NPAS3: variants seen among roughly 807,000 people sequenced by gnomAD.
NPAS3 encodes the protein neuronal PAS domain protein 3, also known as neuronal PAS domain-containing protein 3.
Under a neutral mutation model 73.1 loss-of-function variants are expected in NPAS3, and 14 were observed. That is an observed-to-expected ratio of 0.19 (90% confidence interval 0.13 to 0.30). The LOEUF (loss-of-function observed/expected upper bound fraction) is 0.30, where lower values mean the gene tolerates loss of function less well. Ranked by LOEUF, NPAS3 falls within the 10% of genes least tolerant of loss-of-function variation. The probability of loss-of-function intolerance (pLI) is 1.00; values close to 1 mark genes in which losing one functional copy is unlikely to be tolerated. For synonymous variants in NPAS3, 620 were observed against 541.5 expected, an observed-to-expected ratio of 1.14 and a Z score of -2.01; for missense variants, 1,096 against 1,250.0, an observed-to-expected ratio of 0.88 and a Z score of 1.86.
intron 2 of NPAS3, among the ~76,000 whole-genome samples, chr14:33,178,073 T>A (rs1310446443): frequency 7.8e-6 from 1 of 128,966 alleles, no homozygotes; most frequent in East Asian, 2.4e-4. Context: ...GAAGTGAATT[T>A]TTTTTGTTTT....
intron 5 of NPAS3, among the ~76,000 whole-genome samples, chr14:33,667,582 T>A (rs1436581149): frequency 6.6e-6 from 1 of 152,214 alleles, no homozygotes; most frequent in Non-Finnish European, 1.5e-5. Context: ...TCCTTTAAAA[T>A]AGCACCTAGA....
At chr14:33,432,628 C>T (rs1293007060) in intron 4 of NPAS3, among the ~76,000 whole-genome samples, 2 of 152,120 alleles carry the variant, frequency 1.3e-5, no homozygotes, top group Non-Finnish European at 2.9e-5. Flanking sequence ...TGTGTGATAT[C>T]ACATGCACGC....
chr14:33,164,446 C>T (rs2045042597), intron 2 of NPAS3, among the ~76,000 whole-genome samples: 1 of 151,932 alleles, frequency 6.6e-6, no homozygotes, highest in African/African-American at 2.4e-5. Context: ...TTACCAGTCA[C>T]AAATATTCCC....
intron 2 of NPAS3, among the ~76,000 whole-genome samples, chr14:33,160,649 A>G (rs959360798): frequency 6.6e-6 from 1 of 152,008 alleles, no homozygotes; most frequent in African/African-American, 2.4e-5. Context: ...ATTAAAAAAA[A>G]AAAAAGAAAA....
chr14:33,580,008 G>T (rs1003253700), intron 5 of NPAS3, among the ~76,000 whole-genome samples: 1 of 152,118 alleles, frequency 6.6e-6, no homozygotes, highest in Non-Finnish European at 1.5e-5. Context: ...GTGTTTTATA[G>T]ACAAGCCATT....
intron 1 of NPAS3, among the ~76,000 whole-genome samples, chr14:33,049,455 G>A (rs1009276530): frequency 1.3e-5 from 2 of 152,308 alleles, no homozygotes; most frequent in African/African-American, 4.8e-5. Flanking sequence ...TCACAATCAT[G>A]GGGGAAGACA....
At chr14:33,615,345 A>G (rs1248697945) in intron 5 of NPAS3, among the ~76,000 whole-genome samples, 2 of 152,152 alleles carry the variant, frequency 1.3e-5, no homozygotes, top group Non-Finnish European at 2.9e-5. Context: ...TAGAAGTGAG[A>G]CAAGAGGCAG....
intron 2 of NPAS3, among the ~76,000 whole-genome samples, chr14:33,084,464 G>C (rs1406130511): frequency 6.6e-6 from 1 of 152,184 alleles, no homozygotes; most frequent in Non-Finnish European, 1.5e-5. Context: ...GAAGACCTCA[G>C]TTCAGGAATG....
intron 3 of NPAS3, among the ~76,000 whole-genome samples, chr14:33,323,164 G>C (rs748221646): frequency 3.3e-5 from 5 of 152,146 alleles, no homozygotes; most frequent in Non-Finnish European, 5.9e-5. Flanking sequence ...GGGTCGCCAA[G>C]ACTATTCACC....
At chr14:33,735,357 C>A in intron 7 of NPAS3, 25 bp downstream of exon 7, 1 of 1,507,320 alleles carries the variant, frequency 6.6e-7, no homozygotes, top group Non-Finnish European at 9.2e-7. Flanking sequence ...GGAGGGGAGA[C>A]ATTGCTGTCT....
chr14:33,540,290 T>C (rs541870486), intron 4 of NPAS3, among the ~76,000 whole-genome samples: 1 of 152,308 alleles, frequency 6.6e-6, no homozygotes, highest in South Asian at 2.1e-4. Context: ...AATGGAAACA[T>C]TGCAAAACAA....
chr14:33,696,686 C>T (rs2060391373), intron 6 of NPAS3, among the ~76,000 whole-genome samples: 1 of 152,166 alleles, frequency 6.6e-6, no homozygotes, highest in Admixed American at 6.6e-5. Context: ...AACTAAATCT[C>T]TATGTAATTT....
chr14:33,589,834 TTAA>T (rs2056998288), intron 5 of NPAS3, among the ~76,000 whole-genome samples: 1 of 152,226 alleles, frequency 6.6e-6, no homozygotes, highest in African/African-American at 2.4e-5. Flanking sequence ...AATCAGTGCT[TTAA>T]TTTTGTTGAG....
At chr14:33,414,180 G>C (rs577650184) in intron 4 of NPAS3, among the ~76,000 whole-genome samples, 6 of 152,192 alleles carry the variant, frequency 3.9e-5, no homozygotes, top group South Asian at 4.1e-4. Context: ...AGGAAGGAAC[G>C]GAGGCATGAG....
intron 3 of NPAS3, among the ~76,000 whole-genome samples, chr14:33,215,781 T>C (rs898120494): frequency 2.0e-5 from 3 of 152,170 alleles, no homozygotes; most frequent in African/African-American, 7.2e-5. Context: ...TGTTAAAGCA[T>C]AGAGCTGACA....
At chr14:33,745,279 G>A (rs2061759862) in intron 7 of NPAS3, among the ~76,000 whole-genome samples, 1 of 152,078 alleles carries the variant, frequency 6.6e-6, no homozygotes, top group South Asian at 2.1e-4. Context: ...GCAATAATGT[G>A]AAACACGATA....
intron 4 of NPAS3, among the ~76,000 whole-genome samples, chr14:33,403,160 C>T (rs904237307): frequency 2.0e-5 from 3 of 152,008 alleles, no homozygotes; most frequent in African/African-American, 7.2e-5. Context: ...ATTTGTAACC[C>T]TATTTTTATT....
At chr14:32,987,042 C>T (rs1181116097) in intron 1 of NPAS3, among the ~76,000 whole-genome samples, 1 of 152,084 alleles carries the variant, frequency 6.6e-6, no homozygotes, top group Non-Finnish European at 1.5e-5. Flanking sequence ...TGAGAAGATG[C>T]CAGTCAGGGA....
intron 4 of NPAS3, among the ~76,000 whole-genome samples, chr14:33,455,441 G>A (rs1032177101): frequency 6.6e-6 from 1 of 152,198 alleles, no homozygotes; most frequent in Non-Finnish European, 1.5e-5. Flanking sequence ...TGAGAACAGA[G>A]AGTGGAACGG....
Sources: allele counts gnomAD v4.1 joint callset (sites outside exome capture counted in the v4.1 genomes callset), GRCh38; gene constraint gnomAD v4.1.1; transcripts MANE v1.5; gene names NCBI Gene and HGNC (gene_info 2026-07-23, HGNC 2026-07-21).